The following FRMD6 variants were observed in gnomAD, a reference collection of about 807,000 sequenced individuals.
FRMD6 encodes FERM domain-containing protein 6.
Under a neutral mutation model 73.2 loss-of-function variants are expected in FRMD6, and 37 were observed. The observed-to-expected ratio is 0.51, with a 90% CI of 0.39 to 0.66. The LOEUF is 0.66. Ranked by LOEUF, FRMD6 falls within the 30% of genes least tolerant of loss-of-function variation. The pLI is 0.00. For missense variants in FRMD6, 714 were observed against 780.5 expected (o/e 0.91, Z 1.02); for synonymous variants, 273 against 282.2 (o/e 0.97, Z 0.33).
At chr14:51,556,562 T>G (rs1304923622) in intron 1 of FRMD6, among the ~76,000 whole-genome samples, 1 of 152,128 alleles carries the variant, frequency 6.6e-6, no homozygotes, top group Non-Finnish European at 1.5e-5. Flanking sequence ...TTTATCTAAT[T>G]ATGCATTTAG....
chr14:51,670,559 G>C (rs898358110), intron 1 of FRMD6, among the ~76,000 whole-genome samples: 1 of 151,850 alleles, frequency 6.6e-6, no homozygotes, highest in Non-Finnish European at 1.5e-5. Context: ...TAGTTGCATT[G>C]AATATATAGA....
the FRMD6 span, among the ~76,000 whole-genome samples, chr14:51,457,792 C>T: frequency 3.3e-5 from 5 of 152,152 alleles, no homozygotes; most frequent in East Asian, 7.7e-4. Context: ...GCATGGAGCA[C>T]CTTGAGAGAG....
At chr14:51,452,975 C>T in the FRMD6 span, among the ~76,000 whole-genome samples, 13 of 152,092 alleles carry the variant, frequency 8.5e-5, no homozygotes, top group African/African-American at 2.4e-4. Flanking sequence ...CCAGGGAGAA[C>T]GGAATGTGAC....
At chr14:51,673,234 T>A (rs1052496658) in intron 1 of FRMD6, among the ~76,000 whole-genome samples, 1 of 152,116 alleles carries the variant, frequency 6.6e-6, no homozygotes, top group African/African-American at 2.4e-5. Context: ...ACCTATTGCT[T>A]GTCGAAGATT....
chr14:51,665,613 A>G (rs6572783), intron 1 of FRMD6, among the ~76,000 whole-genome samples: 64,754 of 151,970 alleles, frequency 0.43, 15,153 homozygotes, highest in Non-Finnish European at 0.53. Flanking sequence ...GACAAAGACT[A>G]TTTAATTTAC....
At chr14:51,600,296 C>T (rs1889968264) in intron 2 of FRMD6, among the ~76,000 whole-genome samples, 1 of 152,010 alleles carries the variant, frequency 6.6e-6, no homozygotes, top group Admixed American at 6.6e-5. Flanking sequence ...CATTGAGTAA[C>T]ATTTCAGAAA....
chr14:51,451,810 T>C, the FRMD6 span, among the ~76,000 whole-genome samples: 1 of 152,254 alleles, frequency 6.6e-6, no homozygotes, highest in Non-Finnish European at 1.5e-5. Flanking sequence ...CCTGAGGTCT[T>C]AACCAGAAGC....
chr14:51,520,772 G>C (rs1262695660), intron 1 of FRMD6, among the ~76,000 whole-genome samples: 2 of 152,072 alleles, frequency 1.3e-5, no homozygotes, highest in African/African-American at 4.8e-5. Context: ...AGCCAAGCAT[G>C]GTGGCACGTG....
At chr14:51,510,840 T>G (rs1232637991) in intron 1 of FRMD6, among the ~76,000 whole-genome samples, 1 of 152,194 alleles carries the variant, frequency 6.6e-6, no homozygotes, top group Non-Finnish European at 1.5e-5. Context: ...GCAGCAACAA[T>G]GCGTGTGATG....
At chr14:51,652,782 C>T (rs985658449) in intron 1 of FRMD6, among the ~76,000 whole-genome samples, 7 of 152,182 alleles carry the variant, frequency 4.6e-5, no homozygotes, top group South Asian at 4.1e-4. Context: ...GAGGGCCAGG[C>T]ACTGTCAGGT....
At chr14:51,484,569 C>T (rs1039570444), upstream of FRMD6, among the ~76,000 whole-genome samples, 1 of 152,218 alleles carries the variant, frequency 6.6e-6, no homozygotes, top group African/African-American at 2.4e-5. Context: ...TGTAGAGAAG[C>T]TCCTGCCTCC....
At chr14:51,479,429 G>A in the FRMD6 span, among the ~76,000 whole-genome samples, 3 of 152,196 alleles carry the variant, frequency 2.0e-5, no homozygotes, top group Non-Finnish European at 2.9e-5. Flanking sequence ...TGCTAGCTGT[G>A]TAGGAGGCAC....
intron 2 of FRMD6, chr14:51,637,901 G>T (rs1041800868): frequency 6.6e-6 from 1 of 152,180 alleles, no homozygotes; most frequent in Non-Finnish European, 1.5e-5. Flanking sequence ...CCCCCTAAAA[G>T]ATTTTAATGG....
At chr14:51,402,054 T>C in the FRMD6 span, among the ~76,000 whole-genome samples, 2 of 152,260 alleles carry the variant, frequency 1.3e-5, no homozygotes, top group Non-Finnish European at 2.9e-5. Flanking sequence ...ATATGAGGTC[T>C]GGGCAAATTC....
At chr14:51,533,150 G>C (rs370105655) in intron 1 of FRMD6, among the ~76,000 whole-genome samples, 1 of 152,218 alleles carries the variant, frequency 6.6e-6, no homozygotes, top group Non-Finnish European at 1.5e-5. Flanking sequence ...CAATGACAAA[G>C]AGAGGACCAT....
intron 6 of FRMD6, among the ~76,000 whole-genome samples, chr14:51,706,670 C>T (rs1896642252): frequency 6.6e-6 from 1 of 152,056 alleles, no homozygotes; most frequent in South Asian, 2.1e-4. Flanking sequence ...AGACTCAGCC[C>T]AGGTGTCGCT....
At chr14:51,694,861 CA>C (rs1329968685) in intron 2 of FRMD6, among the ~76,000 whole-genome samples, 3 of 152,104 alleles carry the variant, frequency 2.0e-5, no homozygotes, top group African/African-American at 7.2e-5. Context: ...TCATAATATG[CA>C]AATACAGAAA....
chr14:51,659,838 A>G (rs1202322449), intron 1 of FRMD6, among the ~76,000 whole-genome samples: 2 of 152,234 alleles, frequency 1.3e-5, no homozygotes, highest in African/African-American at 4.8e-5. Flanking sequence ...CCATTGGCAC[A>G]GTTTATATAA....
chr14:51,512,789 G>C (rs907387896), intron 1 of FRMD6, among the ~76,000 whole-genome samples: 1 of 152,150 alleles, frequency 6.6e-6, no homozygotes, highest in Non-Finnish European at 1.5e-5. Flanking sequence ...GATCAGAATA[G>C]AGGAAAAGCA....
Sources: allele counts gnomAD v4.1 joint callset (sites outside exome capture counted in the v4.1 genomes callset), GRCh38; gene constraint gnomAD v4.1.1; transcripts MANE v1.5; gene names NCBI Gene and HGNC (gene_info 2026-07-23, HGNC 2026-07-21).